The following ARHGEF4 variants were observed in gnomAD, a reference collection of about 807,000 sequenced individuals.
The protein encoded by ARHGEF4 is Rho guanine nucleotide exchange factor 4.
Under a neutral mutation model 162.0 loss-of-function variants are expected in ARHGEF4, and 119 were observed. The observed-to-expected ratio is 0.73, with a 90% CI of 0.63 to 0.86. The LOEUF (loss-of-function observed/expected upper bound fraction) is 0.86. ARHGEF4 is among the 40% of genes least tolerant of loss of function. The probability of loss-of-function intolerance (pLI) is 0.00; values close to 1 mark genes in which losing one functional copy is unlikely to be tolerated. For synonymous variants in ARHGEF4, 1,014 were observed against 979.9 expected, an observed-to-expected ratio of 1.03 and a Z score of -0.65; for missense variants, 2,488 against 2,456.0, an observed-to-expected ratio of 1.01 and a Z score of -0.28.
intron 4 of ARHGEF4, among the ~76,000 whole-genome samples, chr2:130,949,573 C>G (rs908731876): frequency 6.6e-6 from 1 of 152,072 alleles, no homozygotes; most frequent in East Asian, 1.9e-4. Context: ...CCAGGGTGGT[C>G]TCGATCTCCT....
chr2:130,898,461 GGCATGGA>G (rs1481519405), intron 1 of ARHGEF4, among the ~76,000 whole-genome samples: 4 of 152,200 alleles, frequency 2.6e-5, no homozygotes, highest in Admixed American at 6.5e-5. Context: ...CACAGGGCCT[GGCATGGA>G]GCAGAGACTC....
At chr2:130,838,398 G>A (rs377043993) in intron 1 of ARHGEF4, among the ~76,000 whole-genome samples, 29 of 152,232 alleles carry the variant, frequency 1.9e-4, no homozygotes, top group African/African-American at 6.7e-4. Flanking sequence ...CTGAGGTCAC[G>A]AGTTCGAGAC....
chr2:130,851,906 G>A (rs1426632727), intron 1 of ARHGEF4, among the ~76,000 whole-genome samples: 1 of 152,206 alleles, frequency 6.6e-6, no homozygotes, highest in Non-Finnish European at 1.5e-5. Context: ...CCACCTGCCA[G>A]GTTGGTGCTT....
chr2:130,950,641 G>A (rs1430077343), intron 4 of ARHGEF4, among the ~76,000 whole-genome samples: 1 of 151,676 alleles, frequency 6.6e-6, no homozygotes, highest in Non-Finnish European at 1.5e-5. Context: ...GTCCATTTTA[G>A]AACATTGTCA....
intron 1 of ARHGEF4, among the ~76,000 whole-genome samples, chr2:130,894,819 G>C (rs1177801555): frequency 6.6e-6 from 1 of 152,048 alleles, no homozygotes; most frequent in Non-Finnish European, 1.5e-5. Context: ...GGCAGTCTAG[G>C]CATGGCCAGG....
At chr2:131,039,856 C>T (rs753893241) in intron 6 of ARHGEF4, 160 bp from the exon 7 acceptor site, 1 of 1,428,552 alleles carries the variant, frequency 7.0e-7, no homozygotes, top group South Asian at 1.5e-5. Context: ...CCAGGACTTG[C>T]GTGGGTGGCG....
At chr2:130,845,941 G>C (rs1680928033) in intron 1 of ARHGEF4, among the ~76,000 whole-genome samples, 1 of 152,236 alleles carries the variant, frequency 6.6e-6, no homozygotes, top group Non-Finnish European at 1.5e-5. Context: ...GGAAGCCAGA[G>C]GGCAGATGAG....
At chr2:131,003,132 G>T (rs1687890924) in intron 4 of ARHGEF4, among the ~76,000 whole-genome samples, 1 of 152,156 alleles carries the variant, frequency 6.6e-6, no homozygotes, top group Non-Finnish European at 1.5e-5. Context: ...TGACGATGGG[G>T]CATTCGCTGT....
chr2:130,896,583 C>T (rs548764896), intron 1 of ARHGEF4, among the ~76,000 whole-genome samples: 1 of 152,262 alleles, frequency 6.6e-6, no homozygotes, highest in East Asian at 1.9e-4. Context: ...CATGTGAGGC[C>T]CAGAGAGGAT....
At chr2:131,005,335 C>G (rs1688051243) in intron 4 of ARHGEF4, among the ~76,000 whole-genome samples, 2 of 152,118 alleles carry the variant, frequency 1.3e-5, no homozygotes, top group African/African-American at 4.8e-5. Flanking sequence ...CCAGGGTAAG[C>G]CCTCCCCGGT....
At chr2:130,943,991 CTT>C (rs1361009038) in intron 3 of ARHGEF4, among the ~76,000 whole-genome samples, 1 of 152,140 alleles carries the variant, frequency 6.6e-6, no homozygotes, top group African/African-American at 2.4e-5. Context: ...CTGGCTATGA[CTT>C]CTCTTAGTTT....
At chr2:130,925,135 A>G (rs1682164992) in intron 2 of ARHGEF4, among the ~76,000 whole-genome samples, 1 of 151,930 alleles carries the variant, frequency 6.6e-6, no homozygotes, top group African/African-American at 2.4e-5. Context: ...TAAAATGTTT[A>G]TAATCTAAAA....
intron 2 of ARHGEF4, among the ~76,000 whole-genome samples, chr2:130,920,085 T>G (rs114127207): frequency 0.027 from 4,170 of 152,002 alleles, 188 homozygotes; most frequent in African/African-American, 0.094. Flanking sequence ...GGGTTTTTTT[T>G]TGTGTGTGTG....
chr2:130,940,670 T>TA lies in ARHGEF4; in HGVS notation c.3859-5828dup, dbSNP rs1374191040. ...GGTGAAACCCCGTCTCTACTAAAAA[T>TA]AAAAAAAAAAATTAGCCGGGCGTGG... is the stretch of plus-strand genomic sequence containing the variant. On this transcript the variant is annotated intron_variant, in intron 3 of 13. Transcript: ENST00000409359. Among the ~76,000 whole-genome samples the TA allele has an allele frequency of 2.0e-4, 27 of 134,072 alleles. 1 individual carries two copies. Among genetic ancestry groups the TA allele is most frequent in the East Asian group, 2.2e-4 (1 of 4,496 alleles). The allele number at this position is 134,072 out of a possible 152,430, so 88.0% of individuals were successfully genotyped here. A position where few individuals can be genotyped will look rare whatever the true frequency, so the allele number is the denominator to read the frequency against.
At chr2:130,864,201 G>GAAAGA (rs1553503724) in intron 1 of ARHGEF4, among the ~76,000 whole-genome samples, 1 of 101,610 alleles carries the variant, frequency 9.8e-6, no homozygotes, top group African/African-American at 3.3e-5. Context: ...AAGAAAGAAA[G>GAAAGA]AAAAAAAAAA....
chr2:130,851,428 G>A (rs1208866262), intron 1 of ARHGEF4, among the ~76,000 whole-genome samples: 1 of 152,272 alleles, frequency 6.6e-6, no homozygotes, highest in Non-Finnish European at 1.5e-5. Flanking sequence ...AGGCAGCTGG[G>A]AGTGGGGTGA....
intron 1 of ARHGEF4, among the ~76,000 whole-genome samples, chr2:130,876,558 AT>A (rs557199360): frequency 1.3e-5 from 2 of 151,874 alleles, no homozygotes; most frequent in Non-Finnish European, 2.9e-5. Context: ...TACTCGGCTA[AT>A]TTTTTTGTAT....
intron 5 of ARHGEF4, chr2:131,035,269 G>C: frequency 8.2e-7 from 1 of 1,219,224 alleles, no homozygotes; most frequent in South Asian, 4.1e-5. Context: ...CTGAGCGGCC[G>C]CGCAGGGCGC....
intron 4 of ARHGEF4, among the ~76,000 whole-genome samples, chr2:130,964,416 C>G (rs1484387566): frequency 6.6e-6 from 1 of 152,010 alleles, no homozygotes; most frequent in African/African-American, 2.4e-5. Flanking sequence ...TATTCCTTTT[C>G]TTTTTCTGGT....
Sources: allele counts gnomAD v4.1 joint callset (sites outside exome capture counted in the v4.1 genomes callset), GRCh38; gene constraint gnomAD v4.1.1; transcripts MANE v1.5; gene names NCBI Gene and HGNC (gene_info 2026-07-23, HGNC 2026-07-21).